PPP3R1: variants seen among roughly 807,000 people sequenced by gnomAD.
The protein encoded by PPP3R1 is protein phosphatase 3 regulatory subunit B, alpha.
Under a neutral mutation model 22.6 loss-of-function variants are expected in PPP3R1, and 5 were observed. The observed-to-expected ratio is 0.22, with a 90% confidence interval of 0.12 to 0.46. The LOEUF (loss-of-function observed/expected upper bound fraction) is 0.46, where lower values mean the gene tolerates loss of function less well. Ranked by LOEUF, PPP3R1 falls within the 20% of genes least tolerant of loss-of-function variation. The pLI is 0.99. For synonymous variants in PPP3R1, 56 were observed against 65.2 expected (o/e 0.86, Z 0.68); for missense variants, 61 against 203.2 (o/e 0.30, Z 4.25).
chr2:68,251,337 A>C (rs547496398), intron 1 of PPP3R1, among the ~76,000 whole-genome samples: 4 of 152,344 alleles, frequency 2.6e-5, no homozygotes, highest in Non-Finnish European at 1.5e-5. Context: ...ATTCAAAAAC[A>C]ACCACTCCAA....
chr2:68,191,728 TA>T (rs1238159116), intron 2 of PPP3R1, among the ~76,000 whole-genome samples: 2 of 152,178 alleles, frequency 1.3e-5, no homozygotes, highest in African/African-American at 2.4e-5. Flanking sequence ...AATAATCTGA[TA>T]AAAAAGATCA....
intron 2 of PPP3R1, among the ~76,000 whole-genome samples, chr2:68,189,897 TACA>T (rs1265687313): frequency 6.6e-5 from 10 of 151,612 alleles, no homozygotes; most frequent in South Asian, 2.1e-4. Context: ...ATAAATTAAA[TACA>T]ACAACTTTTA....
chr2:68,230,694 G>C (rs1042705658), intron 1 of PPP3R1, among the ~76,000 whole-genome samples: 12 of 152,090 alleles, frequency 7.9e-5, no homozygotes, highest in African/African-American at 2.9e-4. Flanking sequence ...TCTTTCTAGG[G>C]TAAGTCTGCT....
At chr2:68,219,793 A>G (rs537096280) in intron 1 of PPP3R1, among the ~76,000 whole-genome samples, 2 of 152,222 alleles carry the variant, frequency 1.3e-5, no homozygotes, top group Non-Finnish European at 2.9e-5. Flanking sequence ...ATATCTAAAT[A>G]TGAAAAAAGT....
At chr2:68,219,794 TG>T (rs2103775215) in intron 1 of PPP3R1, among the ~76,000 whole-genome samples, 1 of 152,276 alleles carries the variant, frequency 6.6e-6, no homozygotes, top group South Asian at 2.1e-4. Flanking sequence ...TATCTAAATA[TG>T]AAAAAAGTCC....
At chr2:68,211,621 T>C (rs1229599428) in intron 2 of PPP3R1, among the ~76,000 whole-genome samples, 1 of 152,192 alleles carries the variant, frequency 6.6e-6, no homozygotes, top group Non-Finnish European at 1.5e-5. Flanking sequence ...TTCTGTAACA[T>C]GCAATGCTGT....
chr2:68,243,933 C>CA (rs1166397519), intron 1 of PPP3R1, among the ~76,000 whole-genome samples: 6 of 152,044 alleles, frequency 3.9e-5, no homozygotes, highest in African/African-American at 1.4e-4. Context: ...AAACCCCACA[C>CA]AAAAAACTCT....
chr2:68,188,221 G>C (rs1173520664), intron 3 of PPP3R1, among the ~76,000 whole-genome samples: 3 of 152,024 alleles, frequency 2.0e-5, no homozygotes, highest in Admixed American at 2.0e-4. Context: ...ATGTATATAA[G>C]AATATACAGT....
intron 2 of PPP3R1, among the ~76,000 whole-genome samples, chr2:68,202,493 C>T (rs1016772739): frequency 2.6e-5 from 4 of 151,946 alleles, no homozygotes; most frequent in East Asian, 1.9e-4. Flanking sequence ...GACACAGACT[C>T]GGCTCACTGC....
At chr2:68,184,348 C>G (rs992523902) in intron 5 of PPP3R1, among the ~76,000 whole-genome samples, 2 of 152,192 alleles carry the variant, frequency 1.3e-5, no homozygotes, top group Non-Finnish European at 2.9e-5. Flanking sequence ...AATCATTCTG[C>G]TAGGTTAGTT....
In PPP3R1 at chr2:68,179,627, A is replaced by G. The variant is rs1674360154; in HGVS notation, c.*1336T>C. ...AACCAAAATGTTTTTCTTCCAGCTA[A>G]CAGTACCTTTGCAGAAATGGGAAGG... On this transcript the variant is annotated 3_prime_UTR_variant, in exon 6 of 6. Coordinates refer to ENST00000234310, the MANE Select transcript of PPP3R1 (RefSeq NM_000945.4). The G allele has an allele frequency of 3.3e-5, 5 of 152,246 alleles. No homozygotes were observed. Among genetic ancestry groups the G allele is most frequent in the Admixed American group, 3.3e-4 (5 of 15,286 alleles). 9.4% of individuals were successfully genotyped at this position (152,246 alleles called of 1,614,324 possible).
chr2:68,232,265 GTATA>G (rs10545203), intron 1 of PPP3R1, among the ~76,000 whole-genome samples: 1,059 of 25,348 alleles, frequency 0.042, 18 homozygotes, highest in Admixed American at 0.076. Flanking sequence ...GTGTGTGTGT[GTATA>G]TATATATACA....
intron 1 of PPP3R1, among the ~76,000 whole-genome samples, chr2:68,231,031 A>G (rs1406274555): frequency 1.3e-5 from 2 of 152,200 alleles, no homozygotes; most frequent in African/African-American, 4.8e-5. Context: ...CTTTTGCCAA[A>G]TTCGCAAAAT....
rs1670381563 is a variant in PPP3R1, at chr2:68,252,226, C to A, written c.-99G>T. The A allele has an allele frequency of 1.7e-6, 2 of 1,150,650 alleles. No individual in the cohort carries two copies. The highest frequency in any genetic ancestry group is 3.3e-5 in the African/African-American group (2 of 61,250). 71.3% of individuals were successfully genotyped at this position (1,150,650 alleles called of 1,614,324 possible). On this transcript the variant is annotated 5_prime_UTR_variant, in exon 1 of 6. Transcript: ENST00000234310. Reference sequence around the variant, plus strand: ...ACGGCGGCGGCGGCCCAGCTGCGGCCCTCGGGTCGCCGGCGGGGAGGGGGC... The same window carrying A: ...ACGGCGGCGGCGGCCCAGCTGCGGCACTCGGGTCGCCGGCGGGGAGGGGGC...
chr2:68,205,224 G>A (rs935644774), intron 2 of PPP3R1, among the ~76,000 whole-genome samples: 1 of 147,520 alleles, frequency 6.8e-6, no homozygotes, highest in Non-Finnish European at 1.5e-5. Flanking sequence ...TCATTTCCTT[G>A]TAAGTAATCA....
intron 1 of PPP3R1, among the ~76,000 whole-genome samples, chr2:68,235,378 C>A (rs1452428066): frequency 6.6e-6 from 1 of 152,196 alleles, no homozygotes; most frequent in Non-Finnish European, 1.5e-5. Context: ...AACTCCCCCT[C>A]AGGCCAGCCC....
intron 2 of PPP3R1, among the ~76,000 whole-genome samples, chr2:68,216,655 T>G (rs1270670725): frequency 6.6e-6 from 1 of 152,142 alleles, no homozygotes; most frequent in Non-Finnish European, 1.5e-5. Flanking sequence ...ATAAAAGCAC[T>G]GCCGACAGGT....
At chr2:68,211,511 G>A (rs79272503) in intron 2 of PPP3R1, among the ~76,000 whole-genome samples, 3,812 of 151,550 alleles carry the variant, frequency 0.025, 147 homozygotes, top group African/African-American at 0.084. Context: ...CTTCAATGTT[G>A]ATGGCCACGG....
intron 5 of PPP3R1, among the ~76,000 whole-genome samples, chr2:68,184,675 T>A (rs1469619780): frequency 3.9e-5 from 6 of 152,216 alleles, no homozygotes; most frequent in Non-Finnish European, 8.8e-5. Context: ...AAGAACTCAA[T>A]GAAGCCAGTT....
Sources: allele counts gnomAD v4.1 joint callset (sites outside exome capture counted in the v4.1 genomes callset), GRCh38; gene constraint gnomAD v4.1.1; transcripts MANE v1.5; gene names NCBI Gene and HGNC (gene_info 2026-07-23, HGNC 2026-07-21).